The following PCDH7 variants were observed in gnomAD, a reference collection of about 807,000 sequenced individuals.
PCDH7 encodes protocadherin-7.
PCDH7 carries 17 observed loss-of-function variants against 58.9 expected under a neutral mutation model. The observed-to-expected ratio is 0.29, with a 90% CI of 0.20 to 0.43. PCDH7 has a LOEUF of 0.43. Among genes scored for constraint, PCDH7 ranks in the 20% least tolerant of loss-of-function variants. PCDH7 has a pLI of 1.00. For synonymous variants in PCDH7, 664 were observed against 616.4 expected (o/e 1.08, Z -1.14); for missense variants, 1,274 against 1,441.0 (o/e 0.88, Z 1.88).
intron 2 of PCDH7, among the ~76,000 whole-genome samples, chr4:30,949,905 G>A (rs1403103519): frequency 1.3e-5 from 2 of 152,024 alleles, no homozygotes; most frequent in African/African-American, 4.8e-5. Flanking sequence ...CCCTGGATTT[G>A]GAGAATCATA....
At chr4:31,037,184 T>A (rs1438923221) in intron 3 of PCDH7, among the ~76,000 whole-genome samples, 1 of 152,180 alleles carries the variant, frequency 6.6e-6, no homozygotes, top group East Asian at 1.9e-4. Context: ...TGTTATTTTC[T>A]GCATTTCTCT....
chr4:31,000,729 A>G (rs997973507), intron 3 of PCDH7, among the ~76,000 whole-genome samples: 3 of 152,064 alleles, frequency 2.0e-5, no homozygotes, highest in Admixed American at 6.6e-5. Flanking sequence ...AGAAAAGAGA[A>G]GAAAAGGACA....
chr4:30,760,951 C>T (rs1560341749), intron 1 of PCDH7, among the ~76,000 whole-genome samples: 1 of 152,156 alleles, frequency 6.6e-6, no homozygotes, highest in Non-Finnish European at 1.5e-5. Context: ...GAAAGACCCA[C>T]AAGCTTCCAT....
At chr4:31,045,006 A>T (rs1756168209) in intron 3 of PCDH7, among the ~76,000 whole-genome samples, 1 of 151,948 alleles carries the variant, frequency 6.6e-6, no homozygotes, top group Non-Finnish European at 1.5e-5. Context: ...CATTTTATTT[A>T]TATTTCTTTT....
chr4:30,846,657 A>G (rs1732004601), intron 1 of PCDH7, among the ~76,000 whole-genome samples: 1 of 152,164 alleles, frequency 6.6e-6, no homozygotes, highest in Non-Finnish European at 1.5e-5. Flanking sequence ...AGTTGTGAGG[A>G]TCAAAAGTAT....
chr4:31,100,084 A>C (rs1299937249), intron 3 of PCDH7, among the ~76,000 whole-genome samples: 1 of 152,152 alleles, frequency 6.6e-6, no homozygotes, highest in Non-Finnish European at 1.5e-5. Context: ...GTTACATAAA[A>C]ACCTCCACAG....
chr4:30,828,036 G>A (rs1729317316), intron 1 of PCDH7, among the ~76,000 whole-genome samples: 1 of 152,078 alleles, frequency 6.6e-6, no homozygotes, highest in African/African-American at 2.4e-5. Flanking sequence ...AATGAGGATA[G>A]CACATATAAC....
At position 30,725,098 on chromosome 4, in the gene PCDH7, G is replaced by A. The variant is rs146434939; in HGVS notation, c.3174+502G>A. On this transcript the variant is annotated intron_variant, in intron 1 of 1. Coordinates refer to ENST00000361762, the Ensembl canonical transcript of PCDH7. ...TACAGATAAATAGATGCTGATTCAT[G>A]CAGATGTAGTACTAAGTCTGAGATA... 156 of 1,001,074 alleles carry A rather than the reference G, an allele frequency of 1.6e-4. No homozygotes were observed. The Middle Eastern group carries it at 2.1e-3, about 13-fold the overall frequency. 62.0% of individuals were successfully genotyped at this position (1,001,074 alleles called of 1,614,324 possible).
At chr4:31,114,634 C>T (rs763429142) in intron 3 of PCDH7, among the ~76,000 whole-genome samples, 7 of 71,810 alleles carry the variant, frequency 9.7e-5, no homozygotes, top group Admixed American at 2.6e-4. Flanking sequence ...CACATACAAA[C>T]ACACACACAC....
intron 1 of PCDH7, among the ~76,000 whole-genome samples, chr4:30,764,776 A>T (rs1720487847): frequency 6.6e-6 from 1 of 152,126 alleles, no homozygotes; most frequent in African/African-American, 2.4e-5. Context: ...GCTGGAGCAC[A>T]GTGGCGCGAT....
Position 30,722,169 on chromosome 4 carries a change from G to T in PCDH7, c.747G>T (p.Ala249=), listed in dbSNP as rs770581499. ...GCAGCGTGTTCGAGCTGCAGGTGGCGGACACCCCGGACGGCGAGAAGCAGC... is the reference window on the plus strand; with the variant it reads ...GCAGCGTGTTCGAGCTGCAGGTGGCTGACACCCCGGACGGCGAGAAGCAGC... The change falls in exon 1 of 2, where the codon GCG becomes GCT. Residue 249 remains alanine (A), a synonymous_variant. Transcript: ENST00000361762. This position sits in a 1 kb window ranked among gnomAD's most constrained non-coding sequence, Gnocchi z 7.6. 5.1e-5 allele frequency: 79 copies of T among 1,536,150 alleles called. No homozygotes were observed. The highest frequency in any genetic ancestry group is 2.0e-5 in the Admixed American group (1 of 50,696).
At chr4:30,968,878 A>T (rs933749053) in intron 3 of PCDH7, among the ~76,000 whole-genome samples, 10 of 152,052 alleles carry the variant, frequency 6.6e-5, no homozygotes, top group African/African-American at 2.2e-4. Flanking sequence ...TTGTTTCTTT[A>T]CCCTGTTACA....
At chr4:30,752,866 A>T (rs980243462) in intron 1 of PCDH7, among the ~76,000 whole-genome samples, 14 of 151,996 alleles carry the variant, frequency 9.2e-5, no homozygotes, top group African/African-American at 3.4e-4. Flanking sequence ...ATAACTAAAG[A>T]TCAGCCCCAC....
At chr4:31,105,387 G>C (rs541818901) in intron 3 of PCDH7, among the ~76,000 whole-genome samples, 9 of 152,098 alleles carry the variant, frequency 5.9e-5, no homozygotes, top group African/African-American at 2.2e-4. Flanking sequence ...ATTCTGCCAG[G>C]GTATCAGTCA....
At chr4:31,116,880 G>C (rs1041747186) in intron 3 of PCDH7, among the ~76,000 whole-genome samples, 1 of 152,026 alleles carries the variant, frequency 6.6e-6, no homozygotes, top group Non-Finnish European at 1.5e-5. Flanking sequence ...TTCTTGCCCA[G>C]GCTGGAGTGC....
At chr4:31,058,004 T>C (rs1419241270) in intron 3 of PCDH7, among the ~76,000 whole-genome samples, 1 of 152,098 alleles carries the variant, frequency 6.6e-6, no homozygotes, top group Admixed American at 6.6e-5. Flanking sequence ...AAATATCCAA[T>C]TAAGTTGAAA....
At chr4:31,034,581 T>C (rs990660002) in intron 3 of PCDH7, among the ~76,000 whole-genome samples, 1 of 152,202 alleles carries the variant, frequency 6.6e-6, no homozygotes, top group Non-Finnish European at 1.5e-5. Flanking sequence ...AATTTAGAAA[T>C]TGCTACTTTA....
chr4:30,821,191 T>C (rs1394729163), intron 1 of PCDH7, among the ~76,000 whole-genome samples: 2 of 152,210 alleles, frequency 1.3e-5, no homozygotes, highest in African/African-American at 4.8e-5. Flanking sequence ...TCTCACTCTG[T>C]TCACTCTCAG....
At chr4:30,961,492 C>T (rs1176261259) in intron 3 of PCDH7, among the ~76,000 whole-genome samples, 1 of 151,764 alleles carries the variant, frequency 6.6e-6, no homozygotes, top group Non-Finnish European at 1.5e-5. Context: ...GTGGAGGTTG[C>T]AGTGAGCCGA....
Sources: allele counts gnomAD v4.1 joint callset (sites outside exome capture counted in the v4.1 genomes callset), GRCh38; gene constraint gnomAD v4.1.1; non-coding constraint Gnocchi (gnomAD v3.1); transcripts MANE v1.5; gene names NCBI Gene and HGNC (gene_info 2026-07-23, HGNC 2026-07-21).